Variants in SHISAL1 observed in about 807,000 individuals in gnomAD.
The protein encoded by SHISAL1 is protein shisa-like-1.
In SHISAL1, 9 loss-of-function variants were observed where a neutral mutation model predicts 22.6. The observed-to-expected ratio is 0.40, with a 90% confidence interval of 0.24 to 0.70. The LOEUF is 0.70. Among genes scored for constraint, SHISAL1 ranks in the 30% least tolerant of loss-of-function variants. The pLI, the probability that SHISAL1 is intolerant of heterozygous loss-of-function variation, is 0.39. For synonymous variants in SHISAL1, 119 were observed against 115.4 expected, an observed-to-expected ratio of 1.03 and a Z score of -0.20; for missense variants, 246 against 270.6, an observed-to-expected ratio of 0.91 and a Z score of 0.64.
At chr22:44,315,403 A>T (rs1448671238), upstream of SHISAL1, among the ~76,000 whole-genome samples, 2 of 152,016 alleles carry the variant, frequency 1.3e-5, no homozygotes, top group Non-Finnish European at 2.9e-5. Context: ...CTGAGAAAGG[A>T]GCGTTTTTTT....
chr22:44,304,381 G>T (rs2055455540), intron 1 of SHISAL1, among the ~76,000 whole-genome samples: 1 of 152,264 alleles, frequency 6.6e-6, no homozygotes, highest in South Asian at 2.1e-4. Flanking sequence ...CCTGTAGCAT[G>T]GGCATCGTGG....
intron 3 of SHISAL1, among the ~76,000 whole-genome samples, chr22:44,293,296 G>A (rs553489193): frequency 2.9e-4 from 44 of 152,338 alleles, no homozygotes; most frequent in Non-Finnish European, 5.7e-4. Flanking sequence ...GGAAGGCGGC[G>A]AGAAGATCGC....
chr22:44,300,673 G>A (rs1032223331), intron 2 of SHISAL1, among the ~76,000 whole-genome samples: 1 of 151,962 alleles, frequency 6.6e-6, no homozygotes, highest in African/African-American at 2.4e-5. Flanking sequence ...GTGCACAGTA[G>A]AGATAGAGAC....
In SHISAL1 at chr22:44,296,058, C is replaced by T. The variant is rs985778699; in HGVS notation, c.281+614G>A. Among the ~76,000 whole-genome samples the T allele has an allele frequency of 2.8e-4, 43 of 152,328 alleles. 1 individual carries two copies. Among genetic ancestry groups the T allele is most frequent in the Admixed American group, 3.9e-4 (6 of 15,302 alleles). On this transcript the variant is annotated intron_variant, in intron 3 of 4. Coordinates refer to ENST00000381176, the MANE Select transcript of SHISAL1 (RefSeq NM_001099294.2). ...GAACCCGGTGGATTACAGGCCCAGG[C>T]GCCTTCTACGCCTGAAAGCTTTCCA...
intron 4 of SHISAL1, among the ~76,000 whole-genome samples, chr22:44,284,942 C>CCTTCCTTCCTTCCTTCCTTCCTTCCT (rs2055302604): frequency 6.6e-6 from 1 of 151,692 alleles, no homozygotes; most frequent in African/African-American, 2.4e-5. Context: ...TTCCTTCCTT[C>CCTTCCTTCCTTCCTTCCTTCCTTCCT]ACAGCCTGCC....
chr22:44,261,556 C>T (rs2055124504), intron 4 of SHISAL1, among the ~76,000 whole-genome samples: 1 of 152,218 alleles, frequency 6.6e-6, no homozygotes. Context: ...ATTAACCTCT[C>T]TGGGCCTTAT....
At chr22:44,258,901 G>T (rs964990404) in intron 4 of SHISAL1, among the ~76,000 whole-genome samples, 1 of 152,144 alleles carries the variant, frequency 6.6e-6, no homozygotes, top group South Asian at 2.1e-4. Flanking sequence ...GAGGGTTGGG[G>T]GGTCAGGGGG....
chr22:44,319,622 C>A, the SHISAL1 span, among the ~76,000 whole-genome samples: 8 of 152,232 alleles, frequency 5.3e-5, no homozygotes, highest in African/African-American at 9.6e-5. Flanking sequence ...AATCCTCCAG[C>A]CGCAGAAACT....
chr22:44,263,200 A>C (rs1446457043), intron 4 of SHISAL1, among the ~76,000 whole-genome samples: 1 of 148,234 alleles, frequency 6.7e-6, no homozygotes, highest in Admixed American at 6.9e-5. Flanking sequence ...CCTCCCGAGT[A>C]GTTAGGATTA....
At chr22:44,275,707 G>A (rs2055235062) in intron 4 of SHISAL1, among the ~76,000 whole-genome samples, 1 of 152,192 alleles carries the variant, frequency 6.6e-6, no homozygotes, top group Admixed American at 6.5e-5. Context: ...CAGCTGCCGT[G>A]CAGTTCCCAG....
At position 44,248,064 on chromosome 22, in the gene SHISAL1, A is replaced by C. The variant is rs1053227286; in HGVS notation, c.*1621T>G. On this transcript the variant is annotated 3_prime_UTR_variant, in exon 5 of 5. Coordinates refer to ENST00000381176, the MANE Select transcript of SHISAL1 (RefSeq NM_001099294.2). ...CATCTGCTCAAGGCGGCCTTCCCAG[A>C]CCACCCCAGGTCCACAAGGGTCTCA... 1.3e-5 allele frequency: 2 copies of C among 152,144 alleles called. No individual in the cohort carries two copies. Among genetic ancestry groups the C allele is most frequent in the Non-Finnish European group, 2.9e-5 (2 of 68,084 alleles). The allele number at this position is 152,144 out of a possible 1,614,324, so 9.4% of individuals were successfully genotyped here. A position where few individuals can be genotyped will look rare whatever the true frequency, so the allele number is the denominator to read the frequency against.
intron 4 of SHISAL1, among the ~76,000 whole-genome samples, chr22:44,282,855 A>G (rs1279497150): frequency 1.3e-5 from 2 of 152,176 alleles, no homozygotes; most frequent in African/African-American, 4.8e-5. Context: ...GGCGTTTGTA[A>G]TGGCTGTTTG....
intron 1 of SHISAL1, among the ~76,000 whole-genome samples, chr22:44,308,113 C>G (rs2055492193): frequency 6.6e-6 from 1 of 152,222 alleles, no homozygotes; most frequent in African/African-American, 2.4e-5. Context: ...CTTCTGTAAC[C>G]ACATCCCATG....
chr22:44,275,866 A>G (rs1394122622), intron 4 of SHISAL1, among the ~76,000 whole-genome samples: 1 of 152,240 alleles, frequency 6.6e-6, no homozygotes, highest in East Asian at 1.9e-4. Flanking sequence ...TGTTACAGTA[A>G]TAATGCAGCT....
intron 4 of SHISAL1, among the ~76,000 whole-genome samples, chr22:44,256,785 A>G (rs1569207811): frequency 1.3e-5 from 2 of 152,112 alleles, no homozygotes; most frequent in Admixed American, 1.3e-4. Context: ...CTGAACAAAC[A>G]GAAGAACAAA....
At chr22:44,299,115 G>C (rs1292939497) in intron 2 of SHISAL1, among the ~76,000 whole-genome samples, 2 of 152,188 alleles carry the variant, frequency 1.3e-5, no homozygotes. Context: ...GGCTGTGTGT[G>C]CACTAGGGGC....
intron 3 of SHISAL1, among the ~76,000 whole-genome samples, chr22:44,288,435 G>A (rs1276247080): frequency 6.6e-6 from 1 of 152,020 alleles, no homozygotes; most frequent in Non-Finnish European, 1.5e-5. Flanking sequence ...AGGAGATCGA[G>A]ACCATCCTGG....
upstream of SHISAL1, among the ~76,000 whole-genome samples, chr22:44,315,909 G>C (rs1025507981): frequency 1.3e-5 from 2 of 152,096 alleles, no homozygotes; most frequent in African/African-American, 4.8e-5. Context: ...GGCAGGATGG[G>C]TCTCCATCCT....
At chr22:44,260,486 A>G (rs2055114081) in intron 4 of SHISAL1, among the ~76,000 whole-genome samples, 1 of 152,214 alleles carries the variant, frequency 6.6e-6, no homozygotes, top group Non-Finnish European at 1.5e-5. Context: ...AGGTTGGGAC[A>G]GAGGGAGCCC....
Sources: gnomAD v4.1 joint callset for allele counts (sites outside exome capture counted in the v4.1 genomes callset) on GRCh38, gnomAD v4.1.1 for gene constraint, MANE v1.5 for transcripts, NCBI Gene and HGNC (gene_info 2026-07-23, HGNC 2026-07-21) for gene names.